Variants in BACC1 observed in about 807,000 individuals in gnomAD.
The protein encoded by BACC1 is BPTF-associated chromatin complex component 1.
chr17:7,017,320 G>T, the BACC1 span: 1 of 1,611,254 alleles, frequency 6.2e-7, no homozygotes, highest in East Asian at 2.2e-5. Context: ...CTCTCCTGCT[G>T]AGCCTTCCAC....
the BACC1 span, chr17:7,015,567 G>C: frequency 7.1e-7 from 1 of 1,417,414 alleles, no homozygotes; most frequent in Admixed American, 2.9e-5. Flanking sequence ...GGAGGTGGTT[G>C]TGATTTCTTG....
chr17:7,015,005 T>C, the BACC1 span: 33 of 1,072,400 alleles, frequency 3.1e-5, no homozygotes, highest in African/African-American at 4.9e-4. Context: ...GGCTAGGGGC[T>C]CCGGGCGGGA....
At chr17:7,015,264 G>C in the BACC1 span, 201,564 of 1,427,086 alleles carry the variant, frequency 0.14, 15,406 homozygotes, top group Admixed American at 0.32. Context: ...CCCTTTGTGC[G>C]TGGCACAGCA....
the BACC1 span, chr17:7,016,530 ATGAAGATTC>A: frequency 6.2e-7 from 1 of 1,614,132 alleles, no homozygotes; most frequent in Non-Finnish European, 8.5e-7. Flanking sequence ...CGCAAGGTAT[ATGAAGATTC>A]TGGCATCCCC....
At chr17:7,016,910 A>G in the BACC1 span, 1 of 1,609,264 alleles carries the variant, frequency 6.2e-7, no homozygotes, top group East Asian at 2.2e-5. Flanking sequence ...CCCTTCCCAG[A>G]TGTGACACTC....
At chr17:7,015,094 CT>C in the BACC1 span, 1 of 1,573,426 alleles carries the variant, frequency 6.4e-7, no homozygotes, top group South Asian at 1.1e-5. Flanking sequence ...CCGGCGCCGC[CT>C]TCACGAAGCT....
the BACC1 span, chr17:7,017,003 A>G: frequency 1.7e-5 from 27 of 1,612,568 alleles, no homozygotes; most frequent in African/African-American, 2.7e-5. Context: ...AAGAAACTCA[A>G]CTTCGACCAG....
chr17:7,017,311 T>C, the BACC1 span: 13 of 1,612,852 alleles, frequency 8.1e-6, no homozygotes, highest in Non-Finnish European at 1.1e-5. Context: ...CCTCCTCTCC[T>C]CTCCTGCTGA....
the BACC1 span, chr17:7,015,355 C>A: frequency 7.3e-7 from 1 of 1,370,480 alleles, no homozygotes; most frequent in South Asian, 1.8e-5. Flanking sequence ...AGCCCAGACT[C>A]CTGTTTCACA....
At chr17:7,015,232 G>T in the BACC1 span, 8 of 1,469,158 alleles carry the variant, frequency 5.4e-6, no homozygotes, top group Non-Finnish European at 7.1e-6. Flanking sequence ...ACCCTCTCTA[G>T]CACAGGGACA....
the BACC1 span, chr17:7,016,909 G>A: frequency 6.2e-7 from 1 of 1,612,730 alleles, no homozygotes; most frequent in Non-Finnish European, 8.5e-7. Flanking sequence ...CCCCTTCCCA[G>A]ATGTGACACT....
At chr17:7,015,795 A>G in the BACC1 span, 5 of 1,613,900 alleles carry the variant, frequency 3.1e-6, no homozygotes, top group African/African-American at 6.7e-5. Context: ...CGGAGACGGA[A>G]ATAGAGATGC....
chr17:7,015,055 C>T, the BACC1 span: 16 of 1,525,656 alleles, frequency 1.0e-5, no homozygotes, highest in South Asian at 1.2e-4. Flanking sequence ...CGCTGCCCCG[C>T]CCCCAGGTCG....
the BACC1 span, chr17:7,015,602 C>T: frequency 4.0e-5 from 55 of 1,372,572 alleles, no homozygotes; most frequent in South Asian, 8.3e-4. Flanking sequence ...CCGGTTCCCG[C>T]AGGGCCTCAA....
At chr17:7,015,210 T>C in the BACC1 span, 1 of 1,512,438 alleles carries the variant, frequency 6.6e-7, no homozygotes, top group Non-Finnish European at 8.8e-7. Context: ...TTGGACTCGG[T>C]CACAGACACG....
the BACC1 span, chr17:7,017,498 A>T: frequency 1.4e-6 from 1 of 720,000 alleles, no homozygotes; most frequent in South Asian, 1.5e-5. Context: ...TTTATACAGA[A>T]AACAATAAAG....
chr17:7,017,149 G>C, the BACC1 span: 1 of 1,557,488 alleles, frequency 6.4e-7, no homozygotes, highest in East Asian at 2.2e-5. Flanking sequence ...CATACACAGC[G>C]CAGGGCATTG....
chr17:7,016,410 C>T, the BACC1 span: 1 of 1,452,670 alleles, frequency 6.9e-7, no homozygotes, highest in Non-Finnish European at 9.4e-7. Context: ...TATGAAGGGA[C>T]TCCCAGAACC....
chr17:7,017,217 G>T, the BACC1 span: 1 of 1,614,048 alleles, frequency 6.2e-7, no homozygotes, highest in Non-Finnish European at 8.5e-7. Context: ...AGCACACTGG[G>T]GGCTCGCTCC....
Sources: allele counts gnomAD v4.1 joint callset, GRCh38; gene constraint gnomAD v4.1.1; transcripts MANE v1.5; gene names NCBI Gene and HGNC (gene_info 2026-07-23, HGNC 2026-07-21).